IRF6: variants seen among roughly 807,000 people sequenced by gnomAD.
The protein encoded by IRF6 is Van der Woude syndrome.
In IRF6, 6 loss-of-function variants were observed where a neutral mutation model predicts 51.4. That is an observed-to-expected ratio of 0.12 (90% CI 0.06 to 0.23). The LOEUF (loss-of-function observed/expected upper bound fraction) is 0.23. IRF6 is among the 10% of genes least tolerant of loss of function. The pLI is 1.00. For synonymous variants in IRF6, 178 were observed against 215.7 expected, an observed-to-expected ratio of 0.83 and a Z score of 1.53; for missense variants, 348 against 585.2, an observed-to-expected ratio of 0.59 and a Z score of 4.18.
intron 1 of IRF6, among the ~76,000 whole-genome samples, chr1:209,803,657 C>T (rs1393097078): frequency 6.6e-6 from 1 of 152,202 alleles, no homozygotes; most frequent in Non-Finnish European, 1.5e-5. Flanking sequence ...AAACCCTCTC[C>T]ACCTTCTGAA....
At chr1:209,791,912 A>G (rs1237701175) in intron 6 of IRF6, among the ~76,000 whole-genome samples, 1 of 152,152 alleles carries the variant, frequency 6.6e-6, no homozygotes, top group Admixed American at 6.5e-5. Flanking sequence ...CAGCCTCCCA[A>G]GTAACAGGGA....
chr1:209,785,835 A>G lies in IRF6; in HGVS notation c.*2585T>C, dbSNP rs973015855. On this transcript the variant is annotated 3_prime_UTR_variant, in exon 9 of 9. Coordinates refer to ENST00000367021, the MANE Select transcript of IRF6 (RefSeq NM_006147.4). ...GTCAAGCAGGATGCGGATGCTGAGC[A>G]TTACAAGGGAAATGATTATTCTGAG... is the stretch of plus-strand genomic sequence containing the variant. The G allele has an allele frequency of 2.0e-5, 3 of 152,214 alleles. No individual in the cohort carries two copies. Among genetic ancestry groups the G allele is most frequent in the African/African-American group, 7.2e-5 (3 of 41,440 alleles). The allele number at this position is 152,214 out of a possible 1,614,324, so 9.4% of individuals were successfully genotyped here.
intron 3 of IRF6, among the ~76,000 whole-genome samples, chr1:209,798,777 T>G (rs1193052306): frequency 6.6e-6 from 1 of 151,826 alleles, no homozygotes; most frequent in Non-Finnish European, 1.5e-5. Context: ...GGCATGGTGG[T>G]GCACACCTGT....
chr1:209,804,699 C>A (rs982761703), intron 1 of IRF6, among the ~76,000 whole-genome samples: 8 of 152,208 alleles, frequency 5.3e-5, no homozygotes, highest in African/African-American at 1.9e-4. Context: ...CACTTTCAGC[C>A]TCCTCCGAGC....
At chr1:209,799,832 AT>A (rs1360419452) in intron 3 of IRF6, among the ~76,000 whole-genome samples, 1 of 152,234 alleles carries the variant, frequency 6.6e-6, no homozygotes, top group Non-Finnish European at 1.5e-5. Flanking sequence ...CAACTTTTAT[AT>A]TGTTATTTAA....
rs995512316 is a variant in IRF6 at position 209,796,290 on chromosome 1, G to T, written c.379+58C>A. On this transcript the variant is annotated intron_variant, in intron 4 of 8. Coordinates refer to ENST00000367021, the MANE Select transcript of IRF6 (RefSeq NM_006147.4). This position sits in a 1 kb window ranked among gnomAD's most constrained non-coding sequence, Gnocchi z 4.5. The stretch of plus-strand genomic sequence containing the variant: ...TGTTTTCAAGTTGACTATCTCTTAA[G>T]AGTGCAGCCCAGAATCTGGCATGCT... 5.3e-5 allele frequency: 75 copies of T among 1,411,594 alleles called. No individual in the cohort carries two copies. The Admixed American group carries it at 1.1e-3, about 21-fold the overall frequency. 87.4% of individuals were successfully genotyped at this position (1,411,594 alleles called of 1,614,324 possible).
intron 3 of IRF6, among the ~76,000 whole-genome samples, chr1:209,797,558 C>A (rs556197246): frequency 1.4e-4 from 22 of 152,108 alleles, no homozygotes; most frequent in Non-Finnish European, 2.8e-4. Flanking sequence ...GTCAACCACA[C>A]CAGTGGCTGG....
At position 209,796,960 on chromosome 1, in the gene IRF6, A is replaced by T. The variant is rs1213967977; in HGVS notation, c.175-408T>A. Among the ~76,000 whole-genome samples, 1 of 152,192 alleles carries T rather than the reference A, an allele frequency of 6.6e-6. No homozygotes were observed. Among genetic ancestry groups the T allele is most frequent in the East Asian group, 1.9e-4 (1 of 5,196 alleles). ...TTCAAGTAACTTTTTTTCTTTGCTT[A>T]TTCATTTTTGACATGAGTTGCTTAT... On this transcript the variant is annotated intron_variant, in intron 3 of 8. Coordinates refer to ENST00000367021, the MANE Select transcript of IRF6 (RefSeq NM_006147.4). The surrounding 1 kb of genome is among the most constrained non-coding windows in gnomAD (Gnocchi z 4.5).
chr1:209,803,178 C>T (rs912189189), intron 1 of IRF6, among the ~76,000 whole-genome samples: 11 of 152,180 alleles, frequency 7.2e-5, no homozygotes, highest in Admixed American at 6.5e-5. Context: ...TGCATATTCT[C>T]TCAACGGCTA....
At chr1:209,801,753 G>A (rs896872189) in intron 2 of IRF6, among the ~76,000 whole-genome samples, 1 of 152,194 alleles carries the variant, frequency 6.6e-6, no homozygotes, top group Admixed American at 6.5e-5. Context: ...CAAGGGCTTT[G>A]GAAGAGAAGG....
intron 5 of IRF6, among the ~76,000 whole-genome samples, chr1:209,794,197 A>G (rs999305881): frequency 1.1e-4 from 17 of 152,352 alleles, no homozygotes; most frequent in African/African-American, 4.1e-4. Context: ...CCAGCAGGAT[A>G]TAAGTGTTCC....
intron 3 of IRF6, among the ~76,000 whole-genome samples, chr1:209,797,263 G>A (rs762483610): frequency 5.3e-5 from 8 of 150,886 alleles, no homozygotes; most frequent in African/African-American, 1.2e-4. Context: ...CCAGCTACTC[G>A]GGAGGCTGAG....
chr1:209,791,639 C>T (rs1467388259), intron 6 of IRF6, among the ~76,000 whole-genome samples: 3 of 152,196 alleles, frequency 2.0e-5, no homozygotes, highest in Admixed American at 2.0e-4. Flanking sequence ...CATTAACCTC[C>T]CTGTTCCACA....
chr1:209,792,635 C>T, intron 5 of IRF6: 1 of 605,676 alleles, frequency 1.7e-6, no homozygotes, highest in Non-Finnish European at 2.9e-6. Flanking sequence ...TTATTTCTCC[C>T]ACAAATTCAT....
chr1:209,798,738 G>A (rs889984800), intron 3 of IRF6, among the ~76,000 whole-genome samples: 2 of 151,890 alleles, frequency 1.3e-5, no homozygotes, highest in African/African-American at 2.4e-5. Flanking sequence ...GTGAAACCCC[G>A]TCTCTACTAA....
chr1:209,789,351 T>TTGTG lies in IRF6; in HGVS notation c.1179+312_1179+315dup, dbSNP rs57430923. 0.18 allele frequency among the ~76,000 whole-genome samples: 26,745 copies of TTGTG among 146,764 alleles called. 2,793 individuals carry two copies. Among genetic ancestry groups the TTGTG allele is most frequent in the African/African-American group, 0.29 (11,401 of 39,474 alleles). ...AAAAAAAAAAAAAGTGCAATTTACA[T>TTGTG]TGTGTGTGTGTGTGTGTGTGTGTGT... On this transcript the variant is annotated intron_variant, in intron 8 of 8. Coordinates refer to ENST00000367021, the MANE Select transcript of IRF6 (RefSeq NM_006147.4).
intron 5 of IRF6, 21 bp from the exon 6 acceptor site, chr1:209,792,448 G>A: frequency 6.2e-7 from 1 of 1,612,178 alleles, no homozygotes; most frequent in African/African-American, 1.3e-5. Flanking sequence ...AGCATATGGT[G>A]AGCAGACAGG....
intron 5 of IRF6, among the ~76,000 whole-genome samples, chr1:209,793,942 T>A (rs959947576): frequency 6.6e-6 from 1 of 152,370 alleles, no homozygotes; most frequent in South Asian, 2.1e-4. Flanking sequence ...ATGGTATATA[T>A]GTACCACGTT....
intron 1 of IRF6, among the ~76,000 whole-genome samples, chr1:209,804,597 T>C (rs958969731): frequency 1.3e-5 from 2 of 152,140 alleles, no homozygotes; most frequent in South Asian, 2.1e-4. Flanking sequence ...CACAGCAAAA[T>C]GTAAGGCCTG....
Sources: allele counts gnomAD v4.1 joint callset (sites outside exome capture counted in the v4.1 genomes callset), GRCh38; gene constraint gnomAD v4.1.1; non-coding constraint Gnocchi (gnomAD v3.1); transcripts MANE v1.5; gene names NCBI Gene and HGNC (gene_info 2026-07-23, HGNC 2026-07-21).